Variants in SORCS1 observed in about 807,000 individuals in gnomAD.
SORCS1 encodes the protein VPS10 domain-containing receptor SorCS1.
A neutral mutation model predicts 146.1 loss-of-function variants in SORCS1; 60 were observed. That is an observed-to-expected ratio of 0.41 (90% CI 0.33 to 0.51). The LOEUF is 0.51. SORCS1 is among the 20% of genes least tolerant of loss of function. SORCS1 has a pLI of 0.21. For missense variants in SORCS1, 1,352 were observed against 1,487.6 expected (o/e 0.91, Z 1.50); for synonymous variants, 637 against 584.0 (o/e 1.09, Z -1.31).
intron 1 of SORCS1, among the ~76,000 whole-genome samples, chr10:107,135,643 G>C (rs1457661500): frequency 6.6e-6 from 1 of 152,184 alleles, no homozygotes; most frequent in Non-Finnish European, 1.5e-5. Context: ...CCAGCTATCA[G>C]TGTATCTGAT....
At chr10:106,645,580 G>A (rs572786078) in intron 18 of SORCS1, among the ~76,000 whole-genome samples, 11 of 152,144 alleles carry the variant, frequency 7.2e-5, no homozygotes, top group East Asian at 1.9e-4. Flanking sequence ...GGGATGTTCC[G>A]AATTTTTTCA....
the SORCS1 span, among the ~76,000 whole-genome samples, chr10:107,176,775 G>A: frequency 6.6e-6 from 1 of 152,144 alleles, no homozygotes; most frequent in African/African-American, 2.4e-5. Flanking sequence ...AATGGTAAAT[G>A]TTCCAAGCAC....
At chr10:106,777,479 G>A (rs1860536802) in intron 3 of SORCS1, among the ~76,000 whole-genome samples, 1 of 152,142 alleles carries the variant, frequency 6.6e-6, no homozygotes, top group Admixed American at 6.6e-5. Flanking sequence ...AAGATGCCCA[G>A]AACACTCTGA....
intron 1 of SORCS1, among the ~76,000 whole-genome samples, chr10:106,968,397 T>C (rs1196757366): frequency 6.6e-6 from 1 of 152,224 alleles, no homozygotes; most frequent in Non-Finnish European, 1.5e-5. Context: ...TATCTAAATA[T>C]TAATATTCTT....
chr10:106,606,021 A>C (rs935384049), intron 23 of SORCS1, among the ~76,000 whole-genome samples: 5 of 152,212 alleles, frequency 3.3e-5, no homozygotes, highest in Admixed American at 6.5e-5. Flanking sequence ...ATATTTACTT[A>C]GTGGCCGAGA....
intron 1 of SORCS1, among the ~76,000 whole-genome samples, chr10:106,963,014 G>C (rs77009612): frequency 0.024 from 3,719 of 151,938 alleles, 124 homozygotes; most frequent in South Asian, 0.12. Context: ...CAAATATGGG[G>C]GAAGAGAATA....
At chr10:106,841,561 T>A (rs562455552) in intron 2 of SORCS1, among the ~76,000 whole-genome samples, 3 of 152,346 alleles carry the variant, frequency 2.0e-5, no homozygotes, top group African/African-American at 7.2e-5. Flanking sequence ...TAAACATAAC[T>A]TTTATATGCA....
At chr10:107,077,379 T>C (rs1962978818) in intron 1 of SORCS1, among the ~76,000 whole-genome samples, 1 of 152,094 alleles carries the variant, frequency 6.6e-6, no homozygotes, top group South Asian at 2.1e-4. Flanking sequence ...CTATAAACTC[T>C]TGCTATTCTT....
chr10:106,775,690 G>A (rs1432929309), intron 4 of SORCS1, among the ~76,000 whole-genome samples: 1 of 152,192 alleles, frequency 6.6e-6, no homozygotes, highest in Non-Finnish European at 1.5e-5. Context: ...ACTGCATAAT[G>A]CATTTCACAA....
At chr10:106,903,475 C>T (rs1051642014) in intron 2 of SORCS1, among the ~76,000 whole-genome samples, 2 of 152,190 alleles carry the variant, frequency 1.3e-5, no homozygotes, top group Non-Finnish European at 2.9e-5. Context: ...CAGTCCAAGA[C>T]AATCCTATTG....
At chr10:107,076,880 T>C (rs1392810514) in intron 1 of SORCS1, among the ~76,000 whole-genome samples, 2 of 152,114 alleles carry the variant, frequency 1.3e-5, no homozygotes, top group African/African-American at 4.8e-5. Flanking sequence ...ACTAAAACAT[T>C]TTCATCATGA....
intron 2 of SORCS1, among the ~76,000 whole-genome samples, chr10:106,943,508 T>C (rs778635750): frequency 2.6e-5 from 4 of 152,010 alleles, no homozygotes; most frequent in Non-Finnish European, 4.4e-5. Context: ...CCTCAATCTG[T>C]TAAAAAATAA....
chr10:106,689,340 G>T (rs1358071714), intron 9 of SORCS1, among the ~76,000 whole-genome samples: 1 of 152,144 alleles, frequency 6.6e-6, no homozygotes, highest in East Asian at 1.9e-4. Context: ...AGGGCAGTGA[G>T]GAAAAGGACT....
intron 1 of SORCS1, among the ~76,000 whole-genome samples, chr10:107,103,761 G>A (rs1394141541): frequency 6.6e-6 from 1 of 152,200 alleles, no homozygotes. Flanking sequence ...AGGAAGCAGA[G>A]AAGGGAATCC....
At chr10:106,989,306 C>T (rs370983475) in intron 1 of SORCS1, among the ~76,000 whole-genome samples, 2 of 127,396 alleles carry the variant, frequency 1.6e-5, no homozygotes. Flanking sequence ...AAGAATACTC[C>T]AATGCCTTTC....
rs558561913 is a variant in SORCS1, at chr10:107,007,970, T to C, written c.559-51390A>G. Among the ~76,000 whole-genome samples, 282 of 151,654 alleles carry C rather than the reference T, an allele frequency of 1.9e-3. 3 individuals are homozygous for C. Among genetic ancestry groups the C allele is most frequent in the Non-Finnish European group, 1.9e-3 (129 of 68,034 alleles). ...ATCTAAATTTCAGCTCCTCCCATGA[T>C]AATATTATAAAGTGCTTTGTATGTT... On this transcript the variant is annotated intron_variant, in intron 1 of 25. Coordinates refer to ENST00000263054, the MANE Select transcript of SORCS1 (RefSeq NM_052918.5).
chr10:106,574,028 G>GT lies in SORCS1; in HGVS notation c.*3391dup. 1 of 150,512 alleles carries GT rather than the reference G, an allele frequency of 6.6e-6. No individual in the cohort carries two copies. Among genetic ancestry groups the GT allele is most frequent in the Non-Finnish European group, 1.5e-5 (1 of 67,832 alleles). 9.3% of individuals were successfully genotyped at this position (150,512 alleles called of 1,614,324 possible). The stretch of plus-strand genomic sequence containing the variant: ...AAAAGTCATTTTAAAATTAGAAGTA[G>GT]TTCCAATACTATAAGAAAACTTTTT... On this transcript the variant is annotated 3_prime_UTR_variant, in exon 26 of 26. Coordinates refer to ENST00000263054, the MANE Select transcript of SORCS1 (RefSeq NM_052918.5).
At chr10:106,845,695 C>G (rs1156440330) in intron 2 of SORCS1, among the ~76,000 whole-genome samples, 3 of 67,704 alleles carry the variant, frequency 4.4e-5, no homozygotes, top group African/African-American at 9.4e-5. Flanking sequence ...AGGTTTTCTT[C>G]TAGGGTTTTT....
intron 1 of SORCS1, among the ~76,000 whole-genome samples, chr10:107,032,112 C>T (rs1157431016): frequency 6.6e-6 from 1 of 152,144 alleles, no homozygotes; most frequent in Non-Finnish European, 1.5e-5. Flanking sequence ...GGGACTAAGA[C>T]TCTGAAGGAT....
Sources: gnomAD v4.1 joint callset for allele counts (sites outside exome capture counted in the v4.1 genomes callset) on GRCh38, gnomAD v4.1.1 for gene constraint, MANE v1.5 for transcripts, NCBI Gene and HGNC (gene_info 2026-07-23, HGNC 2026-07-21) for gene names.